The following TMOD3 variants were observed in gnomAD, a reference collection of about 807,000 sequenced individuals.
The protein encoded by TMOD3 is tropomodulin 3.
A neutral mutation model predicts 39.2 loss-of-function variants in TMOD3; 20 were observed. The ratio of observed to expected loss-of-function variants is 0.51; its 90% confidence interval spans 0.36 to 0.74. The LOEUF is 0.74. Among genes scored for constraint, TMOD3 ranks in the 30% least tolerant of loss-of-function variants. TMOD3 has a pLI of 0.00. For missense variants in TMOD3, 381 were observed against 412.8 expected (o/e 0.92, Z 0.67); for synonymous variants, 143 against 145.8 (o/e 0.98, Z 0.14).
chr15:51,855,428 T>C (rs2007355), intron 1 of TMOD3, among the ~76,000 whole-genome samples: 56,649 of 152,126 alleles, frequency 0.37, 10,871 homozygotes, highest in Middle Eastern at 0.43. Flanking sequence ...CTGTAAAAAG[T>C]GAGTTAAGAA....
At chr15:51,852,718 G>T (rs370500780) in intron 1 of TMOD3, among the ~76,000 whole-genome samples, 23 of 152,298 alleles carry the variant, frequency 1.5e-4, no homozygotes, top group African/African-American at 5.5e-4. Flanking sequence ...GGAAAGCAGA[G>T]ATTGATGTGT....
In TMOD3 at chr15:51,862,893, G is replaced by T. The variant is rs751441960; in HGVS notation, c.9G>T (p.Leu3=). Residue 3 remains leucine, a synonymous_variant, in exon 2 of 10, where the codon CTG becomes CTT. Coordinates refer to ENST00000308580, the MANE Select transcript of TMOD3 (RefSeq NM_014547.5). ...TTGCTGCCCTGCACATCATGGCACT[G>T]CCATTCCGTAAGGACTTAGAAAAGT... The part of the protein sequence containing the change: MA[L]PFRKDLEKYK... 6.2e-7 allele frequency: 1 copy of T among 1,613,216 alleles called. No homozygotes were observed. Among genetic ancestry groups the T allele is most frequent in the African/African-American group, 1.3e-5 (1 of 74,884 alleles).
intron 1 of TMOD3, among the ~76,000 whole-genome samples, chr15:51,832,232 T>TATATA (rs2056260176): frequency 7.3e-6 from 1 of 137,418 alleles, no homozygotes; most frequent in African/African-American, 2.7e-5. Context: ...TATATATATA[T>TATATA]GAATGACATG....
At chr15:51,878,129 C>G (rs887523105) in intron 3 of TMOD3, among the ~76,000 whole-genome samples, 2 of 152,240 alleles carry the variant, frequency 1.3e-5, no homozygotes, top group Non-Finnish European at 2.9e-5. Context: ...GATCTGCAGC[C>G]TGGAACCTTT....
intron 7 of TMOD3, among the ~76,000 whole-genome samples, chr15:51,897,960 G>A (rs993680422): frequency 1.3e-5 from 2 of 151,876 alleles, no homozygotes; most frequent in African/African-American, 4.8e-5. Context: ...TATTGCAACA[G>A]CCTCCTAATT....
At chr15:51,835,705 AT>A (rs565584799) in intron 1 of TMOD3, among the ~76,000 whole-genome samples, 2 of 152,062 alleles carry the variant, frequency 1.3e-5, no homozygotes. Context: ...CAGTTTGGTT[AT>A]TTTTTTCTTC....
At chr15:51,897,091 G>T (rs936242719) in intron 7 of TMOD3, among the ~76,000 whole-genome samples, 2 of 152,096 alleles carry the variant, frequency 1.3e-5, no homozygotes, top group African/African-American at 4.8e-5. Context: ...CTCCCTTGGG[G>T]GCTCCCCTTA....
chr15:51,896,598 C>A, intron 7 of TMOD3, 72 bp downstream of exon 7: 1 of 1,070,764 alleles, frequency 9.3e-7, no homozygotes, highest in Non-Finnish European at 1.4e-6. Flanking sequence ...TTTTTATGAA[C>A]AAGATTTACC....
At chr15:51,882,891 T>G (rs2056542101) in intron 3 of TMOD3, among the ~76,000 whole-genome samples, 1 of 152,208 alleles carries the variant, frequency 6.6e-6, no homozygotes, top group Non-Finnish European at 1.5e-5. Flanking sequence ...CCCCTTAAGT[T>G]CTGTATTCGT....
chr15:51,905,380 G>A (rs1490096105), intron 9 of TMOD3, among the ~76,000 whole-genome samples: 3 of 152,048 alleles, frequency 2.0e-5, no homozygotes, highest in African/African-American at 4.8e-5. Context: ...CTAGCTACTC[G>A]GGAGGGTGAG....
chr15:51,837,905 A>G (rs1260946927), intron 1 of TMOD3, among the ~76,000 whole-genome samples: 2 of 152,076 alleles, frequency 1.3e-5, no homozygotes, highest in Non-Finnish European at 2.9e-5. Flanking sequence ...TTCTTCTCCC[A>G]CTGCCTGAAT....
rs889169990 is a variant in TMOD3, at chr15:51,909,792, C to T, written c.*982C>T. 5 of 152,286 alleles carry T rather than the reference C, an allele frequency of 3.3e-5. No homozygotes were observed. The highest frequency in any genetic ancestry group is 1.2e-4 in the African/African-American group (5 of 41,558). The allele number at this position is 152,286 out of a possible 1,614,324, so 9.4% of individuals were successfully genotyped here. ...CATGTATGTAAATTACTTGGTGTTA[C>T]ACCATATCCGAAGAAGTTCCTATGT... On this transcript the variant is annotated 3_prime_UTR_variant, in exon 10 of 10. Coordinates refer to ENST00000308580, the MANE Select transcript of TMOD3 (RefSeq NM_014547.5).
At chr15:51,864,812 G>C (rs916462542) in intron 2 of TMOD3, among the ~76,000 whole-genome samples, 2 of 152,072 alleles carry the variant, frequency 1.3e-5, no homozygotes. Context: ...CTTGGTAAGT[G>C]AGCGTTAGAT....
chr15:51,870,032 G>A (rs1425751783), intron 3 of TMOD3, among the ~76,000 whole-genome samples: 4 of 152,010 alleles, frequency 2.6e-5, no homozygotes, highest in African/African-American at 7.2e-5. Context: ...TCCGCCTCCC[G>A]GGTTTAAGCG....
chr15:51,865,606 C>G (rs2141686583), intron 2 of TMOD3, among the ~76,000 whole-genome samples: 1 of 152,284 alleles, frequency 6.6e-6, no homozygotes, highest in South Asian at 2.1e-4. Flanking sequence ...AGTCATAATT[C>G]CTCTAACCTC....
At chr15:51,859,055 A>G in intron 1 of TMOD3, 2 of 424,956 alleles carry the variant, frequency 4.7e-6, no homozygotes, top group Non-Finnish European at 8.5e-6. Context: ...ATAAAATTAA[A>G]GTGTGTCTTG....
At chr15:51,851,394 A>G (rs2056361216) in intron 1 of TMOD3, among the ~76,000 whole-genome samples, 1 of 152,252 alleles carries the variant, frequency 6.6e-6, no homozygotes, top group Non-Finnish European at 1.5e-5. Context: ...AATCTTTTGC[A>G]AAAAATGATA....
At chr15:51,834,757 G>A (rs2056273823) in intron 1 of TMOD3, among the ~76,000 whole-genome samples, 1 of 152,196 alleles carries the variant, frequency 6.6e-6, no homozygotes, top group Non-Finnish European at 1.5e-5. Context: ...TCTGAGGGAG[G>A]TGGAGGCTAC....
intron 3 of TMOD3, among the ~76,000 whole-genome samples, chr15:51,886,659 A>G (rs1328456594): frequency 2.0e-5 from 3 of 151,730 alleles, no homozygotes; most frequent in Middle Eastern, 6.8e-3. Flanking sequence ...GACCGTGGAG[A>G]GAGAGGGAGA....
Sources: allele counts gnomAD v4.1 joint callset (sites outside exome capture counted in the v4.1 genomes callset), GRCh38; gene constraint gnomAD v4.1.1; transcripts MANE v1.5; gene names NCBI Gene and HGNC (gene_info 2026-07-23, HGNC 2026-07-21).